Variants in TBC1D5 observed in about 807,000 individuals in gnomAD.
TBC1D5 encodes the protein TBC1 domain family, member 5.
Under a neutral mutation model 100.3 loss-of-function variants are expected in TBC1D5, and 75 were observed. The observed-to-expected ratio is 0.75, with a 90% CI of 0.62 to 0.91. The LOEUF is 0.91. Ranked by LOEUF, TBC1D5 falls within the 40% of genes least tolerant of loss-of-function variation. The pLI, the probability that TBC1D5 is intolerant of heterozygous loss-of-function variation, is 0.00. For synonymous variants in TBC1D5, 323 were observed against 325.6 expected (o/e 0.99, Z 0.09); for missense variants, 910 against 942.4 (o/e 0.97, Z 0.45).
chr3:17,563,769 G>GT (rs1183541596), intron 2 of TBC1D5, among the ~76,000 whole-genome samples: 1 of 151,704 alleles, frequency 6.6e-6, no homozygotes, highest in Non-Finnish European at 1.5e-5. Flanking sequence ...TGTTGTTTTT[G>GT]TTTTTTGTTT....
At chr3:17,211,574 A>T (rs1384036881) in intron 18 of TBC1D5, among the ~76,000 whole-genome samples, 2 of 152,152 alleles carry the variant, frequency 1.3e-5, no homozygotes, top group Non-Finnish European at 2.9e-5. Context: ...TTCTACCTTC[A>T]TCTTCACTTG....
intron 15 of TBC1D5, among the ~76,000 whole-genome samples, chr3:17,269,574 T>C (rs1243040495): frequency 6.6e-6 from 1 of 152,148 alleles, no homozygotes; most frequent in Non-Finnish European, 1.5e-5. Context: ...TTTGGGCTTC[T>C]ATTAATCCCA....
intron 3 of TBC1D5, among the ~76,000 whole-genome samples, chr3:17,453,750 G>A (rs2094983946): frequency 6.6e-6 from 1 of 152,070 alleles, no homozygotes; most frequent in African/African-American, 2.4e-5. Context: ...AGGCCAAGGG[G>A]ATACTTCCAA....
intron 15 of TBC1D5, among the ~76,000 whole-genome samples, chr3:17,283,344 T>C (rs2080813283): frequency 6.6e-6 from 1 of 152,124 alleles, no homozygotes. Context: ...CTGTTGGAGA[T>C]CTAGTACCTG....
intron 2 of TBC1D5, among the ~76,000 whole-genome samples, chr3:17,596,495 T>C (rs1379360765): frequency 6.6e-6 from 1 of 151,392 alleles, no homozygotes; most frequent in Non-Finnish European, 1.5e-5. Context: ...ATTTTTTGTA[T>C]TTTTAGTAGA....
Position 17,396,626 on chromosome 3 carries a change from G to A in TBC1D5, c.509+6555C>T, listed in dbSNP as rs564554234. Among the ~76,000 whole-genome samples, 10 of 150,962 alleles carry A rather than the reference G, an allele frequency of 6.6e-5. No individual in the cohort carries two copies. In the South Asian group the frequency reaches 1.3e-3, roughly 19 times the overall value. ...TAAATTACTCAGTAAAATAACTTTC[G>A]AATATGCTTAACATAGAAAAAAATT... On this transcript the variant is annotated intron_variant, in intron 8 of 21. Coordinates refer to ENST00000253692, the Ensembl canonical transcript of TBC1D5.
chr3:17,497,816 T>C (rs2095733680), intron 3 of TBC1D5, among the ~76,000 whole-genome samples: 2 of 152,208 alleles, frequency 1.3e-5, no homozygotes, highest in African/African-American at 2.4e-5. Flanking sequence ...CATTGACTCA[T>C]CTCTGACTTG....
intron 4 of TBC1D5, among the ~76,000 whole-genome samples, chr3:17,418,417 G>A (rs2094134981): frequency 6.6e-6 from 1 of 151,958 alleles, no homozygotes; most frequent in Admixed American, 6.6e-5. Flanking sequence ...AGACCAGCCT[G>A]GCCAACATGG....
intron 1 of TBC1D5, among the ~76,000 whole-genome samples, chr3:17,693,978 T>G (rs1292130370): frequency 6.6e-6 from 1 of 151,966 alleles, no homozygotes; most frequent in African/African-American, 2.4e-5. Flanking sequence ...TCCAGCAAAC[T>G]CCAACAGACC....
At chr3:17,582,814 A>G (rs998296098) in intron 2 of TBC1D5, among the ~76,000 whole-genome samples, 2 of 152,026 alleles carry the variant, frequency 1.3e-5, no homozygotes, top group Non-Finnish European at 2.9e-5. Context: ...AAACAAAACA[A>G]AACATTAAAC....
At chr3:17,284,334 T>C (rs1052664855) in intron 15 of TBC1D5, among the ~76,000 whole-genome samples, 5 of 152,138 alleles carry the variant, frequency 3.3e-5, no homozygotes, top group Non-Finnish European at 7.4e-5. Flanking sequence ...GCCAGGCTTG[T>C]CTCGAACTCC....
chr3:17,615,440 A>G (rs1332488741), intron 2 of TBC1D5, among the ~76,000 whole-genome samples: 1 of 152,100 alleles, frequency 6.6e-6, no homozygotes, highest in Non-Finnish European at 1.5e-5. Context: ...TATTGATTGG[A>G]ATACTTTCAG....
At chr3:17,562,455 C>A (rs2096565463) in intron 2 of TBC1D5, among the ~76,000 whole-genome samples, 1 of 149,676 alleles carries the variant, frequency 6.7e-6, no homozygotes, top group Non-Finnish European at 1.5e-5. Flanking sequence ...TATAACTATT[C>A]AAGATAATGA....
intron 1 of TBC1D5, among the ~76,000 whole-genome samples, chr3:17,683,371 C>T (rs2069767972): frequency 6.6e-6 from 1 of 151,220 alleles, no homozygotes; most frequent in Non-Finnish European, 1.5e-5. Flanking sequence ...GAGTGTTGCA[C>T]ATCCACGAGG....
intron 2 of TBC1D5, among the ~76,000 whole-genome samples, chr3:17,544,650 G>GAAAAAAA (rs11294217): frequency 1.2e-5 from 1 of 86,264 alleles, no homozygotes; most frequent in Non-Finnish European, 2.3e-5. Context: ...GACTCCGTCT[G>GAAAAAAA]AAAAAAAAAA....
intron 2 of TBC1D5, among the ~76,000 whole-genome samples, chr3:17,532,519 A>C (rs2096240617): frequency 6.6e-6 from 1 of 152,206 alleles, no homozygotes; most frequent in East Asian, 1.9e-4. Context: ...TCATGCTGCT[A>C]TAAAGACACA....
intron 13 of TBC1D5, chr3:17,338,627 C>T (rs974660265): frequency 7.2e-5 from 11 of 152,082 alleles, no homozygotes; most frequent in Non-Finnish European, 1.2e-4. Context: ...ATTAGCAACA[C>T]GAAAATAAGT....
At chr3:17,586,828 C>T (rs929706846) in intron 2 of TBC1D5, among the ~76,000 whole-genome samples, 7 of 152,022 alleles carry the variant, frequency 4.6e-5, no homozygotes, top group Non-Finnish European at 7.4e-5. Context: ...ACAAAAACAT[C>T]AGGCTTCACT....
chr3:17,168,386 T>G (rs1345485060), intron 19 of TBC1D5, among the ~76,000 whole-genome samples: 1 of 152,216 alleles, frequency 6.6e-6, no homozygotes, highest in East Asian at 1.9e-4. Flanking sequence ...GAGTCTCCTC[T>G]AGGAGACTTA....
Sources: gnomAD v4.1 joint callset for allele counts (sites outside exome capture counted in the v4.1 genomes callset) on GRCh38, gnomAD v4.1.1 for gene constraint, MANE v1.5 for transcripts, NCBI Gene and HGNC (gene_info 2026-07-23, HGNC 2026-07-21) for gene names.